The following DTNB variants were observed in gnomAD, a reference collection of about 807,000 sequenced individuals.
DTNB encodes dystrobrevin beta.
DTNB carries 63 observed loss-of-function variants against 90.7 expected under a neutral mutation model. That is an observed-to-expected ratio of 0.69 (90% CI 0.57 to 0.86). The LOEUF (loss-of-function observed/expected upper bound fraction) is 0.86. Among genes scored for constraint, DTNB ranks in the 40% least tolerant of loss-of-function variants. The probability of loss-of-function intolerance (pLI) is 0.00; values close to 1 mark genes in which losing one functional copy is unlikely to be tolerated. For synonymous variants in DTNB, 277 were observed against 286.7 expected (o/e 0.97, Z 0.34); for missense variants, 744 against 807.1 (o/e 0.92, Z 0.95).
intron 1 of DTNB, among the ~76,000 whole-genome samples, chr2:25,657,531 C>A (rs2148979642): frequency 6.6e-6 from 1 of 152,038 alleles, no homozygotes; most frequent in African/African-American, 2.4e-5. Flanking sequence ...CCAGCCTGGG[C>A]AACATGGCAA....
chr2:25,576,885 C>T lies in DTNB; in HGVS notation c.829G>A (p.Gly277Ser), dbSNP rs371402432. ...CQNCFWRGHA[G>S]GPHSNQHQMK... ...TGGTGCTGGTTGCTGTGAGGGCCGC[C>T]GGCATGGCCACGCCAAAAGCAATTC... The change falls in exon 8 of 21, where the codon GGC becomes AGC. Residue 277 changes from glycine (G) to serine (S), a missense_variant. Physicochemically the swap from Gly to Ser is moderately conservative, Grantham distance 56 (BLOSUM62 0). Transcript: ENST00000406818. 156 of 1,613,016 alleles carry T rather than the reference C, an allele frequency of 9.7e-5. No individual in the cohort carries two copies. Among genetic ancestry groups the T allele is most frequent in the Non-Finnish European group, 1.2e-4 (145 of 1,179,574 alleles).
chr2:25,616,605 A>G (rs1228155591), intron 4 of DTNB, among the ~76,000 whole-genome samples: 1 of 141,968 alleles, frequency 7.0e-6, no homozygotes, highest in African/African-American at 2.7e-5. Flanking sequence ...AATTTACAGA[A>G]TAATCTAGAT....
At position 25,580,826 on chromosome 2, in the gene DTNB, T is replaced by C; in HGVS notation, c.604A>G (p.Arg202Gly). ...HSVRTCFPQQ[R>G]KIMLNMFLDT... ...AAAAACATATTTAGCATTATCTTTC[T>C]CTGTAAAGAGAAGAAAAACAAACAT... The change falls in exon 7 of 21, where the codon AGA becomes GGA. Residue 202 changes from arginine to glycine, a missense_variant and splice_region_variant. Arg to Gly is a moderately radical substitution (Grantham distance 125). Transcript: ENST00000406818. The C allele has an allele frequency of 6.2e-7, 1 of 1,609,252 alleles. No homozygotes were observed. The highest frequency in any genetic ancestry group is 8.5e-7 in the Non-Finnish European group (1 of 1,177,666).
At chr2:25,602,458 C>T (rs753825331) in intron 5 of DTNB, among the ~76,000 whole-genome samples, 45 of 152,142 alleles carry the variant, frequency 3.0e-4, no homozygotes, top group Non-Finnish European at 6.3e-4. Flanking sequence ...TTAACAGAAA[C>T]CAGTGAGGAT....
At chr2:25,633,193 A>G (rs2148764492) in intron 3 of DTNB, among the ~76,000 whole-genome samples, 1 of 151,768 alleles carries the variant, frequency 6.6e-6, no homozygotes, top group South Asian at 2.1e-4. Context: ...CTCTCTTTCC[A>G]CGGTCTCCCT....
intron 15 of DTNB, among the ~76,000 whole-genome samples, chr2:25,427,038 C>T (rs1408875663): frequency 1.3e-5 from 2 of 152,002 alleles, no homozygotes; most frequent in African/African-American, 2.4e-5. Flanking sequence ...ATTAGCTGGG[C>T]GTGGTGGTGG....
rs1323363087 is a variant in DTNB, at chr2:25,579,159, C to A, written c.709+1562G>T. On this transcript the variant is annotated intron_variant, in intron 7 of 20. Coordinates refer to ENST00000406818, the MANE Select transcript of DTNB (RefSeq NM_021907.5). The stretch of plus-strand genomic sequence containing the variant: ...CTTGGTATAGCAAATACAAAATGAT[C>A]TTATGAAAATCAATTGGACATAAAA... Among the ~76,000 whole-genome samples the A allele has an allele frequency of 3.3e-5, 5 of 152,126 alleles. No individual in the cohort carries two copies. The East Asian group carries it at 9.6e-4, about 29-fold the overall frequency.
intron 10 of DTNB, among the ~76,000 whole-genome samples, chr2:25,469,602 C>T (rs971532436): frequency 2.6e-5 from 4 of 152,146 alleles, no homozygotes; most frequent in African/African-American, 7.2e-5. Flanking sequence ...CTTACCACCA[C>T]GCCCAGCTGA....
At chr2:25,485,698 G>C (rs868585313) in intron 9 of DTNB, among the ~76,000 whole-genome samples, 2 of 152,040 alleles carry the variant, frequency 1.3e-5, no homozygotes, top group Non-Finnish European at 2.9e-5. Flanking sequence ...CTTAAAGGAG[G>C]TCTTTACTAC....
At chr2:25,408,264 G>A (rs1222138709) in intron 16 of DTNB, among the ~76,000 whole-genome samples, 1 of 151,270 alleles carries the variant, frequency 6.6e-6, no homozygotes, top group Non-Finnish European at 1.5e-5. Flanking sequence ...AGCCGAGATC[G>A]TGCCATTGCA....
chr2:25,580,635 T>G, intron 7 of DTNB, 86 bp downstream of exon 7: 147 of 1,225,246 alleles, frequency 1.2e-4, no homozygotes, highest in Middle Eastern at 1.9e-4. Context: ...TAATTTTCAA[T>G]GATATTAATA....
At chr2:25,526,364 T>TATATATATATATATATATATATAA (rs2077088262) in intron 9 of DTNB, among the ~76,000 whole-genome samples, 1 of 90,798 alleles carries the variant, frequency 1.1e-5, no homozygotes, top group Admixed American at 1.4e-4. Context: ...TATATATAAA[T>TATATATATATATATATATATATAA]ATATATATAT....
At chr2:25,531,694 T>C in intron 8 of DTNB, 97 bp from the exon 9 acceptor site, 2 of 1,456,942 alleles carry the variant, frequency 1.4e-6, no homozygotes, top group Non-Finnish European at 1.8e-6. Flanking sequence ...TGTAAAAACA[T>C]CTTTTCAAAT....
intron 8 of DTNB, among the ~76,000 whole-genome samples, chr2:25,549,559 A>C (rs1033062815): frequency 2.0e-5 from 3 of 152,142 alleles, no homozygotes; most frequent in Admixed American, 2.0e-4. Context: ...CTTGTTGCTA[A>C]CTTTGTTGAC....
At chr2:25,555,753 C>T (rs2057230080) in intron 8 of DTNB, among the ~76,000 whole-genome samples, 1 of 152,128 alleles carries the variant, frequency 6.6e-6, no homozygotes, top group South Asian at 2.1e-4. Flanking sequence ...CAGTGGCTCA[C>T]TCCTGTAATC....
intron 9 of DTNB, among the ~76,000 whole-genome samples, chr2:25,523,970 T>G (rs2076629933): frequency 6.6e-6 from 1 of 151,358 alleles, no homozygotes; most frequent in African/African-American, 2.4e-5. Flanking sequence ...GGCGTGATCT[T>G]GGCTCACCGC....
chr2:25,428,946 G>A lies in DTNB; in HGVS notation c.1458-1315C>T, dbSNP rs999949221. Among the ~76,000 whole-genome samples, 9 of 152,248 alleles carry A rather than the reference G, an allele frequency of 5.9e-5. No homozygotes were observed. In the East Asian group the frequency reaches 7.7e-4, roughly 13 times the overall value. On this transcript the variant is annotated intron_variant, in intron 14 of 20. Coordinates refer to ENST00000406818, the MANE Select transcript of DTNB (RefSeq NM_021907.5). ...AGTGTTCTACGAACTTTAAACTGCC[G>A]CTCAAAACAAAGCTATGTTCATTTC...
intron 6 of DTNB, among the ~76,000 whole-genome samples, chr2:25,583,514 T>C (rs2061876252): frequency 1.3e-5 from 2 of 151,924 alleles, no homozygotes; most frequent in African/African-American, 4.8e-5. Flanking sequence ...TTTGTGTTTT[T>C]TTTTTGTTGT....
chr2:25,563,535 TA>T (rs1210056296), intron 8 of DTNB, among the ~76,000 whole-genome samples: 1 of 152,232 alleles, frequency 6.6e-6, no homozygotes, highest in African/African-American at 2.4e-5. Context: ...CTCAAGGTCA[TA>T]AAGACTTACA....
Sources: gnomAD v4.1 joint callset for allele counts (sites outside exome capture counted in the v4.1 genomes callset) on GRCh38, gnomAD v4.1.1 for gene constraint, MANE v1.5 for transcripts, NCBI Gene and HGNC (gene_info 2026-07-23, HGNC 2026-07-21) for gene names.